Variants in TRAM1 observed in about 807,000 individuals in gnomAD.
The protein encoded by TRAM1 is translocating chain-associated membrane protein 1.
Under a neutral mutation model 48.7 loss-of-function variants are expected in TRAM1, and 17 were observed. That is an observed-to-expected ratio of 0.35 (90% CI 0.24 to 0.52). The LOEUF (loss-of-function observed/expected upper bound fraction) is 0.52. Ranked by LOEUF, TRAM1 falls within the 20% of genes least tolerant of loss-of-function variation. The pLI, the probability that TRAM1 is intolerant of heterozygous loss-of-function variation, is 0.94. For synonymous variants in TRAM1, 182 were observed against 154.0 expected (o/e 1.18, Z -1.34); for missense variants, 351 against 441.5 (o/e 0.79, Z 1.84).
chr8:70,596,124 A>C (rs1817481215), intron 5 of TRAM1, 139 bp downstream of exon 5: 3 of 544,006 alleles, frequency 5.5e-6, no homozygotes, highest in Non-Finnish European at 9.2e-6. Context: ...TTCTTACGGC[A>C]GTGGGACTGT....
intron 1 of TRAM1, among the ~76,000 whole-genome samples, chr8:70,603,066 T>C (rs1422121778): frequency 6.6e-6 from 1 of 152,148 alleles, no homozygotes; most frequent in Non-Finnish European, 1.5e-5. Context: ...TGAAGGTCTC[T>C]TGAGTAGAAA....
intron 4 of TRAM1, 53 bp downstream of exon 4, chr8:70,597,842 G>T: frequency 7.4e-7 from 1 of 1,351,434 alleles, no homozygotes; most frequent in Non-Finnish European, 1.0e-6. Context: ...CATTAGCAGA[G>T]TTTCTAATCT....
Position 70,608,074 on chromosome 8 carries a change from C to T in TRAM1, c.123+3G>A, listed in dbSNP as rs946811524. On this transcript the variant is annotated splice_donor_region_variant and intron_variant, in intron 1 of 10. Transcript: ENST00000262213. Reference sequence around the variant, plus strand: ...AGGCGGTTGGGACTCGGGGCGGGCTCACCTCAAACATGAGCCCCAGCAGGA... The same window carrying T: ...AGGCGGTTGGGACTCGGGGCGGGCTTACCTCAAACATGAGCCCCAGCAGGA... The T allele has an allele frequency of 2.5e-6, 4 of 1,592,148 alleles. No individual in the cohort carries two copies. The highest frequency in any genetic ancestry group is 3.4e-6 in the Non-Finnish European group (4 of 1,170,796).
intron 5 of TRAM1, 42 bp from the exon 6 acceptor site, chr8:70,594,632 ATTTTTTT>A: frequency 6.8e-7 from 1 of 1,479,706 alleles, no homozygotes; most frequent in Admixed American, 2.3e-5. Flanking sequence ...TTAAAGCATA[ATTTTTTT>A]AAAAAAAAGT....
At chr8:70,586,458 CTTTT>C (rs1182650357) in intron 8 of TRAM1, among the ~76,000 whole-genome samples, 1 of 151,912 alleles carries the variant, frequency 6.6e-6, no homozygotes, top group Non-Finnish European at 1.5e-5. Flanking sequence ...CCCAGTTTTA[CTTTT>C]TTTAAGACAA....
At chr8:70,579,162 A>G (rs1586750398) in intron 10 of TRAM1, among the ~76,000 whole-genome samples, 1 of 152,248 alleles carries the variant, frequency 6.6e-6, no homozygotes, top group East Asian at 1.9e-4. Flanking sequence ...TGAACATCAC[A>G]GAATGTACTT....
At chr8:70,600,666 G>T (rs2132044036) in intron 1 of TRAM1, among the ~76,000 whole-genome samples, 1 of 152,274 alleles carries the variant, frequency 6.6e-6, no homozygotes, top group East Asian at 1.9e-4. Flanking sequence ...GATGAAGATG[G>T]ATAAAATAAT....
chr8:70,605,129 T>C (rs1817692300), intron 1 of TRAM1, among the ~76,000 whole-genome samples: 1 of 152,218 alleles, frequency 6.6e-6, no homozygotes, highest in Non-Finnish European at 1.5e-5. Flanking sequence ...CTAAAGAGAT[T>C]CCAGGCCCTT....
intron 10 of TRAM1, among the ~76,000 whole-genome samples, chr8:70,579,976 C>T (rs924694645): frequency 2.0e-5 from 3 of 152,120 alleles, no homozygotes; most frequent in Non-Finnish European, 4.4e-5. Context: ...AATGGCACTA[C>T]TACGTAACAA....
intron 10 of TRAM1, among the ~76,000 whole-genome samples, chr8:70,579,808 T>C (rs1463109733): frequency 6.6e-6 from 1 of 152,188 alleles, no homozygotes; most frequent in Non-Finnish European, 1.5e-5. Flanking sequence ...ATTTCTTATA[T>C]TGAATATTAT....
chr8:70,600,495 G>A (rs1308992377), intron 1 of TRAM1, among the ~76,000 whole-genome samples: 1 of 152,162 alleles, frequency 6.6e-6, no homozygotes, highest in South Asian at 2.1e-4. Flanking sequence ...AGGGTCTGTG[G>A]TGTGGGTGTG....
chr8:70,575,311 T>C (rs1048705312), intron 10 of TRAM1, among the ~76,000 whole-genome samples: 6 of 152,230 alleles, frequency 3.9e-5, no homozygotes, highest in Non-Finnish European at 5.9e-5. Flanking sequence ...AAGAAACTTT[T>C]CACATTTGAC....
rs114383535 is a variant in TRAM1, at chr8:70,578,885, A to G, written c.1052-3880T>C. Among the ~76,000 whole-genome samples, 770 of 152,318 alleles carry G rather than the reference A, an allele frequency of 5.1e-3. 4 individuals carry two copies. The highest frequency in any genetic ancestry group is 0.017 in the African/African-American group (713 of 41,564). ...GGGAATTCAGCGAAAGTGATGTACA[A>G]TGGTCTCCCCTTATTTGCAGTGTTG... On this transcript the variant is annotated intron_variant, in intron 10 of 10. Coordinates refer to ENST00000262213, the MANE Select transcript of TRAM1 (RefSeq NM_014294.6).
At chr8:70,582,798 G>C (rs1199423751) in intron 10 of TRAM1, among the ~76,000 whole-genome samples, 1 of 152,208 alleles carries the variant, frequency 6.6e-6, no homozygotes, top group Non-Finnish European at 1.5e-5. Flanking sequence ...CAAATGGGCA[G>C]ATGGGAAGAG....
intron 4 of TRAM1, among the ~76,000 whole-genome samples, chr8:70,597,101 T>A (rs1817503706): frequency 6.6e-6 from 1 of 152,168 alleles, no homozygotes. Flanking sequence ...GAAAGAATTA[T>A]GTGTCTGACA....
chr8:70,604,757 CTTTCCTTT>C (rs1377847082), intron 1 of TRAM1, among the ~76,000 whole-genome samples: 15 of 152,178 alleles, frequency 9.9e-5, no homozygotes, highest in Middle Eastern at 3.4e-3. Context: ...TTTTGAATAT[CTTTCCTTT>C]TGAATATATT....
chr8:70,575,514 G>A (rs918653193), intron 10 of TRAM1, among the ~76,000 whole-genome samples: 5 of 151,916 alleles, frequency 3.3e-5, no homozygotes, highest in African/African-American at 1.2e-4. Flanking sequence ...GAACTCCCGG[G>A]GACCAGTGAT....
chr8:70,590,668 T>C (rs1817333882), intron 6 of TRAM1, among the ~76,000 whole-genome samples: 1 of 152,244 alleles, frequency 6.6e-6, no homozygotes, highest in Non-Finnish European at 1.5e-5. Context: ...CCAGTAGCCT[T>C]TCCTTTTGGA....
Position 70,574,860 on chromosome 8 carries a change from A to C in TRAM1, c.*72T>G. 9.2e-7 allele frequency: 1 copy of C among 1,082,800 alleles called. No homozygotes were observed. The highest frequency in any genetic ancestry group is 1.4e-5 in the South Asian group (1 of 72,428). The allele number at this position is 1,082,800 out of a possible 1,614,324, so 67.1% of individuals were successfully genotyped here. ...CAGACTGTATTTTCAAGAACAGAAA[A>C]ATCTCTAATGCTGAAAGATATAGTA... On this transcript the variant is annotated 3_prime_UTR_variant, in exon 11 of 11. Transcript: ENST00000262213.
Sources: gnomAD v4.1 joint callset for allele counts (sites outside exome capture counted in the v4.1 genomes callset) on GRCh38, gnomAD v4.1.1 for gene constraint, MANE v1.5 for transcripts, NCBI Gene and HGNC (gene_info 2026-07-23, HGNC 2026-07-21) for gene names.